The following TBX5 variants were observed in gnomAD, a reference collection of about 807,000 sequenced individuals.
The protein encoded by TBX5 is T-box transcription factor TBX5.
A neutral mutation model predicts 51.1 loss-of-function variants in TBX5; 8 were observed. The ratio of observed to expected loss-of-function variants is 0.16; its 90% CI spans 0.09 to 0.28. The LOEUF (loss-of-function observed/expected upper bound fraction) is 0.28. Among genes scored for constraint, TBX5 ranks in the 10% least tolerant of loss-of-function variants. The probability of loss-of-function intolerance (pLI) is 1.00; values close to 1 mark genes in which losing one functional copy is unlikely to be tolerated. For missense variants in TBX5, 589 were observed against 671.7 expected, an observed-to-expected ratio of 0.88 and a Z score of 1.36; for synonymous variants, 302 against 266.4, an observed-to-expected ratio of 1.13 and a Z score of -1.30.
intron 6 of TBX5, among the ~76,000 whole-genome samples, chr12:114,390,233 A>G (rs912816594): frequency 2.0e-5 from 3 of 152,218 alleles, no homozygotes; most frequent in Admixed American, 2.0e-4. Context: ...TACAACATAC[A>G]TTGTCTGCAG....
chr12:114,386,911 T>G (rs1350642685), intron 6 of TBX5, among the ~76,000 whole-genome samples: 1 of 150,720 alleles, frequency 6.6e-6, no homozygotes, highest in Non-Finnish European at 1.5e-5. Flanking sequence ...CTGGCCAACA[T>G]GGTAAAACCC....
rs769113870 is a variant in TBX5, at chr12:114,394,780, C to G, written c.624G>C (p.Glu208Asp). 1 of 1,614,154 alleles carries G rather than the reference C, an allele frequency of 6.2e-7. No homozygotes were observed. Among genetic ancestry groups the G allele is most frequent in the South Asian group, 1.1e-5 (1 of 91,074 alleles). The change falls in exon 6 of 9, where the codon GAG becomes GAC. Residue 208 changes from glutamate (E) to aspartate (D), a missense_variant. Physicochemically the swap from Glu to Asp is conservative, Grantham distance 45. This residue lies in a region of TBX5 where 17 missense variants were observed against 17.6 expected (regional missense o/e 0.96). Transcript: ENST00000405440. ...AGGAAGTCACTGCTATAAACGCAGT[C>G]TCAGGAAAGACGTGAGTGCAGAACG... ...NTAFCTHVFP[E>D]TAFIAVTSYQ... is the part of the protein sequence containing the mutation.
intron 1 of TBX5, among the ~76,000 whole-genome samples, chr12:114,404,576 C>A (rs796647352): frequency 5.9e-5 from 9 of 152,212 alleles, no homozygotes; most frequent in African/African-American, 2.2e-4. Context: ...ATTAAAAGTC[C>A]TTTAAAATTA....
chr12:114,355,903 T>C lies in TBX5; in HGVS notation c.1186A>G (p.Ile396Val), dbSNP rs1408650269. The C allele has an allele frequency of 2.5e-6, 4 of 1,613,706 alleles. No homozygotes were observed. The African/African-American group carries it at 4.0e-5, about 16-fold the overall frequency. The stretch of plus-strand genomic sequence containing the variant: ...ATGCTTGGCCACGTGTTGCAGCTGA[T>C]GTCCTCTAGGCTGGGCACAGGCTCG... ...PSEPVPSLED[I>V]SCNTWPSMPS... Residue 396 changes from isoleucine (I) to valine (V), a missense_variant, in exon 9 of 9, where the codon ATC (isoleucine) becomes GTC (valine). Physicochemically the swap from Ile to Val is conservative, Grantham distance 29. Around this residue, in one of 7 missense-constraint regions of TBX5, gnomAD observed 348 missense variants for 360.4 expected, o/e 0.97. Transcript: ENST00000405440.
intron 6 of TBX5, 83 bp from the exon 7 acceptor site, chr12:114,385,650 A>G (rs774976230): frequency 2.0e-5 from 24 of 1,171,564 alleles, no homozygotes; most frequent in Non-Finnish European, 2.9e-5. Context: ...AATAATAAAT[A>G]TCATGGAAAT....
chr12:114,360,405 T>C (rs1869164436), intron 8 of TBX5, among the ~76,000 whole-genome samples: 1 of 147,962 alleles, frequency 6.8e-6, no homozygotes, highest in South Asian at 2.2e-4. Context: ...GATGGATGGA[T>C]GAATGAATGA....
chr12:114,374,034 G>C (rs1459779913), intron 7 of TBX5, among the ~76,000 whole-genome samples: 2 of 152,216 alleles, frequency 1.3e-5, no homozygotes, highest in African/African-American at 4.8e-5. Context: ...CCTTTGTTCT[G>C]GGGAAAATCA....
chr12:114,362,562 A>G (rs776260989), intron 8 of TBX5, among the ~76,000 whole-genome samples: 2 of 152,154 alleles, frequency 1.3e-5, no homozygotes, highest in African/African-American at 4.8e-5. Flanking sequence ...CTCTGATCTC[A>G]GCCTCAATGC....
At chr12:114,370,652 TC>T (rs1869847548) in intron 7 of TBX5, among the ~76,000 whole-genome samples, 1 of 151,704 alleles carries the variant, frequency 6.6e-6, no homozygotes, top group South Asian at 2.1e-4. Context: ...TCTCTCTCTC[TC>T]TCTCTCTCTC....
intron 7 of TBX5, among the ~76,000 whole-genome samples, chr12:114,370,638 C>T (rs11067082): frequency 6.1e-5 from 9 of 146,770 alleles, no homozygotes; most frequent in African/African-American, 1.5e-4. Context: ...ATGATCTCTC[C>T]CTCTCTCTCT....
At chr12:114,357,942 G>T (rs1178636015) in intron 8 of TBX5, among the ~76,000 whole-genome samples, 1 of 152,240 alleles carries the variant, frequency 6.6e-6, no homozygotes, top group African/African-American at 2.4e-5. Context: ...GAGAGGAAAT[G>T]ATCAGAGCTA....
At chr12:114,401,965 G>A in intron 2 of TBX5, 45 bp from the exon 3 acceptor site, 1 of 1,555,504 alleles carries the variant, frequency 6.4e-7, no homozygotes, top group Non-Finnish European at 8.9e-7. Context: ...CCTGGCAGTA[G>A]TGGGCATTCC....
At chr12:114,385,616 C>T (rs1232950205) in intron 6 of TBX5, 49 bp from the exon 7 acceptor site, 1 of 1,438,634 alleles carries the variant, frequency 7.0e-7, no homozygotes, top group South Asian at 1.1e-5. Flanking sequence ...TTGATTGCTG[C>T]AAGACCACCT....
chr12:114,400,989 G>A (rs1239565715), intron 3 of TBX5, among the ~76,000 whole-genome samples: 1 of 152,094 alleles, frequency 6.6e-6, no homozygotes, highest in Non-Finnish European at 1.5e-5. Flanking sequence ...ACGCCTGCTC[G>A]GGGCATCCTC....
chr12:114,356,017 A>G lies in TBX5; in HGVS notation c.1072T>C (p.Tyr358His). The change falls in exon 9 of 9, where the codon TAT becomes CAT. Residue 358 changes from tyrosine to histidine, a missense_variant. Physicochemically the swap from Tyr to His is moderately conservative, Grantham distance 83. Around this residue, in one of 7 missense-constraint regions of TBX5, gnomAD observed 348 missense variants for 360.4 expected, o/e 0.97. Coordinates refer to ENST00000405440, the MANE Select transcript of TBX5 (RefSeq NM_181486.4). ...GCACCCAGGCCCTGCTGCTGTGGAT[A>G]GCTAGAGCGGTAGAAGGAATCTTCT... is the stretch of plus-strand genomic sequence containing the variant. The part of the protein sequence containing the change: ...SEEDSFYRSS[Y>H]PQQQGLGASY... 6.2e-7 allele frequency: 1 copy of G among 1,614,150 alleles called. No individual in the cohort carries two copies. The highest frequency in any genetic ancestry group is 8.5e-7 in the Non-Finnish European group (1 of 1,180,028).
At chr12:114,388,565 C>T (rs563525841) in intron 6 of TBX5, among the ~76,000 whole-genome samples, 1 of 151,972 alleles carries the variant, frequency 6.6e-6, no homozygotes, top group South Asian at 2.1e-4. Flanking sequence ...ACAACATTGA[C>T]CTCCCAAGCT....
At chr12:114,374,079 G>A (rs1240825634) in intron 7 of TBX5, among the ~76,000 whole-genome samples, 1 of 152,232 alleles carries the variant, frequency 6.6e-6, no homozygotes, top group East Asian at 1.9e-4. Context: ...AGTAAGCCAA[G>A]GACTTCCTGG....
In TBX5 at chr12:114,385,519, C is replaced by T. The variant is rs1593866534; in HGVS notation, c.712G>A (p.Gly238Ser). 6.2e-7 allele frequency: 1 copy of T among 1,614,048 alleles called. No individual in the cohort carries two copies. The highest frequency in any genetic ancestry group is 8.5e-7 in the Non-Finnish European group (1 of 1,180,034). Residue 238 changes from glycine to serine, a missense_variant, in exon 7 of 9, where the codon GGC (glycine) becomes AGC (serine). By Grantham distance (56) the Gly-to-Ser change is moderately conservative. This residue lies in a region of TBX5 where 5 missense variants were observed against 31.9 expected (regional missense o/e 0.16). Transcript: ENST00000405440. Reference protein sequence around the residue: ...ENNPFAKGFRGSDDMELHRMS... With the variant: ...ENNPFAKGFRSSDDMELHRMS... ...CTGTGCAGCTCCATGTCATCACTGCCCCGAAATCCTTTGGCAAAGGGATTA... is the reference window on the plus strand; with the variant it reads ...CTGTGCAGCTCCATGTCATCACTGCTCCGAAATCCTTTGGCAAAGGGATTA...
At chr12:114,366,816 T>C (rs183375465) in intron 7 of TBX5, among the ~76,000 whole-genome samples, 6 of 152,280 alleles carry the variant, frequency 3.9e-5, no homozygotes, top group Non-Finnish European at 7.4e-5. Context: ...AAGGTGGGGC[T>C]CAGGTCATTG....
Sources: allele counts gnomAD v4.1 joint callset (sites outside exome capture counted in the v4.1 genomes callset), GRCh38; gene constraint gnomAD v4.1.1; regional missense constraint gnomAD v4.1.1; transcripts MANE v1.5; gene names NCBI Gene and HGNC (gene_info 2026-07-23, HGNC 2026-07-21).